The following WDR93 variants were observed in gnomAD, a reference collection of about 807,000 sequenced individuals.
WDR93 encodes WD repeat-containing protein 93.
In WDR93, 73 loss-of-function variants were observed where a neutral mutation model predicts 82.9. The observed-to-expected ratio is 0.88, with a 90% CI of 0.73 to 1.07. WDR93 has a LOEUF of 1.07. Among genes scored for constraint, WDR93 ranks in the 50% least tolerant of loss-of-function variants. The probability of loss-of-function intolerance (pLI) is 0.00; values close to 1 mark genes in which losing one functional copy is unlikely to be tolerated. For synonymous variants in WDR93, 283 were observed against 300.1 expected (o/e 0.94, Z 0.59); for missense variants, 738 against 826.0 (o/e 0.89, Z 1.31).
Position 89,717,012 on chromosome 15 carries a change from A to C in WDR93, c.795+63A>C, listed in dbSNP as rs191714590. 28 of 1,014,336 alleles carry C rather than the reference A, an allele frequency of 2.8e-5. No homozygotes were observed. The East Asian group carries it at 7.6e-4, about 28-fold the overall frequency. 62.8% of individuals were successfully genotyped at this position (1,014,336 alleles called of 1,614,324 possible). Reference sequence around the variant, plus strand: ...GTTTGTATTTTAGAGATTTTTTAAAAATTATTATTTTTCTTTTCTTTTCTT... The same window carrying C: ...GTTTGTATTTTAGAGATTTTTTAAACATTATTATTTTTCTTTTCTTTTCTT... On this transcript the variant is annotated intron_variant, in intron 7 of 16. Coordinates refer to ENST00000268130, the MANE Select transcript of WDR93 (RefSeq NM_020212.2).
chr15:89,743,158 G>A, intron 16 of WDR93, 134 bp from the exon 17 acceptor site: 1 of 801,344 alleles, frequency 1.2e-6, no homozygotes. Flanking sequence ...TGAGCCCTGA[G>A]GACACAGAGG....
intron 1 of WDR93, among the ~76,000 whole-genome samples, chr15:89,693,168 A>C (rs1263390905): frequency 6.6e-6 from 1 of 152,218 alleles, no homozygotes; most frequent in African/African-American, 2.4e-5. Flanking sequence ...GCTGCTATAA[A>C]TATTTAAGTA....
intron 8 of WDR93, among the ~76,000 whole-genome samples, chr15:89,723,920 C>T (rs930762991): frequency 3.3e-5 from 5 of 152,120 alleles, no homozygotes; most frequent in Admixed American, 2.0e-4. Flanking sequence ...TCTTCAGGCC[C>T]GGTGCAGTGG....
chr15:89,708,407 C>A lies in WDR93; in HGVS notation c.561+2789C>A, dbSNP rs2141616519. Among the ~76,000 whole-genome samples, 4 of 152,170 alleles carry A rather than the reference C, an allele frequency of 2.6e-5. No individual in the cohort carries two copies. The Middle Eastern group carries it at 0.01, about 388-fold the overall frequency. ...CCACCCGTCCTAGTGACAGTCACAC[C>A]CTGGAGGAGCTACAGTTGTCGCAGC... On this transcript the variant is annotated intron_variant, in intron 4 of 16. Coordinates refer to ENST00000268130, the MANE Select transcript of WDR93 (RefSeq NM_020212.2).
At chr15:89,705,356 G>A in intron 3 of WDR93, 198 bp from the exon 4 acceptor site, 1 of 583,440 alleles carries the variant, frequency 1.7e-6, no homozygotes, top group East Asian at 2.9e-5. Flanking sequence ...GACCCAGGAA[G>A]GAAAACAACC....
rs752938501 is a variant in WDR93 at position 89,731,553 on chromosome 15, C to T, written c.1321C>T (p.Leu441=). The T allele has an allele frequency of 2.5e-6, 4 of 1,614,134 alleles. No homozygotes were observed. The South Asian group carries it at 4.4e-5, about 18-fold the overall frequency. ...CEDGVLTLWD[L]AKGFPLGVAA... is the part of the protein sequence containing the mutation. Reference sequence around the variant, plus strand: ...GGATGGTGTGCTCACGCTGTGGGACCTGGCCAAAGGTAAGTCCTCCCTGCC... The same window carrying T: ...GGATGGTGTGCTCACGCTGTGGGACTTGGCCAAAGGTAAGTCCTCCCTGCC... Residue 441 remains leucine, a synonymous_variant, in exon 12 of 17, where the codon CTG becomes TTG. Coordinates refer to ENST00000268130, the MANE Select transcript of WDR93 (RefSeq NM_020212.2).
rs186948186 is a variant in WDR93, at chr15:89,708,666, G to T, written c.561+3048G>T. ...TATTTGGACACAGACAGTCATAAAA[G>T]AATAACCCCAGGAAGTGCTTTCCCA... On this transcript the variant is annotated intron_variant, in intron 4 of 16. Coordinates refer to ENST00000268130, the MANE Select transcript of WDR93 (RefSeq NM_020212.2). 6.8e-3 allele frequency among the ~76,000 whole-genome samples: 1,036 copies of T among 152,320 alleles called. 11 individuals carry two copies. The highest frequency in any genetic ancestry group is 0.024 in the African/African-American group (995 of 41,576).
chr15:89,714,657 T>A (rs1350623798), intron 5 of WDR93, among the ~76,000 whole-genome samples: 1 of 152,228 alleles, frequency 6.6e-6, no homozygotes, highest in African/African-American at 2.4e-5. Flanking sequence ...ATTTACCATT[T>A]GCAACAAAGA....
intron 7 of WDR93, among the ~76,000 whole-genome samples, chr15:89,718,739 AATCACCATTATT>A (rs1217403254): frequency 6.6e-5 from 10 of 152,324 alleles, no homozygotes; most frequent in Admixed American, 2.6e-4. Context: ...CTCCAGAGGT[AATCACCATTATT>A]AGCTTGACAT....
At chr15:89,694,520 C>T (rs1381623178) in intron 1 of WDR93, among the ~76,000 whole-genome samples, 2 of 152,160 alleles carry the variant, frequency 1.3e-5, no homozygotes, top group Non-Finnish European at 2.9e-5. Context: ...CAGGCGTGAG[C>T]CACTGCACCC....
At chr15:89,720,983 A>G (rs1284201173) in intron 7 of WDR93, 1 of 152,024 alleles carries the variant, frequency 6.6e-6, no homozygotes, top group Non-Finnish European at 1.5e-5. Context: ...TGCTTCGTGT[A>G]TTTTGAAGCT....
Position 89,712,118 on chromosome 15 carries a change from A to G in WDR93, c.640+14A>G, listed in dbSNP as rs368523569. The stretch of plus-strand genomic sequence containing the variant: ...TCCTCCTACAAGGCAAGATTAACCA[A>G]AGACTGTTAAGGTTCAAATTTTCAG... On this transcript the variant is annotated intron_variant, in intron 5 of 16. Transcript: ENST00000268130. 2.8e-4 allele frequency: 456 copies of G among 1,605,306 alleles called. No individual in the cohort carries two copies. Among genetic ancestry groups the G allele is most frequent in the Non-Finnish European group, 3.6e-4 (421 of 1,173,862 alleles).
At chr15:89,702,814 C>T (rs957780984) in intron 2 of WDR93, 136 bp from the exon 3 acceptor site, 1 of 977,716 alleles carries the variant, frequency 1.0e-6, no homozygotes, top group Non-Finnish European at 1.5e-6. Flanking sequence ...GCTGGGATTA[C>T]AGGCGTTAGC....
Position 89,735,494 on chromosome 15 carries a change from G to T in WDR93, c.1549G>T (p.Val517Leu). The T allele has an allele frequency of 6.2e-7, 1 of 1,614,120 alleles. No individual in the cohort carries two copies. Among genetic ancestry groups the T allele is most frequent in the Non-Finnish European group, 8.5e-7 (1 of 1,180,012 alleles). Residue 517 changes from valine (V) to leucine (L), a missense_variant, in exon 14 of 17, where the codon GTA (valine) becomes TTA (leucine). By Grantham distance (32) the Val-to-Leu change is conservative (BLOSUM62 1). Transcript: ENST00000268130. ...TGTATATTTTCTGTCCTATAGGCCT[G>T]TAAAGCACCTGGATAAAACCATCTG... The part of the protein sequence containing the change: ...PTISVLVERP[V>L]KHLDKTICAV...
chr15:89,714,675 G>A (rs948182057), intron 5 of WDR93, among the ~76,000 whole-genome samples: 1 of 152,120 alleles, frequency 6.6e-6, no homozygotes, highest in African/African-American at 2.4e-5. Flanking sequence ...AGAAAATGTG[G>A]GGGCTGGGCA....
chr15:89,735,680 G>A (rs923955560), intron 14 of WDR93, 127 bp downstream of exon 14: 12 of 940,922 alleles, frequency 1.3e-5, no homozygotes, highest in Middle Eastern at 4.4e-4. Context: ...ACTAGCTTTC[G>A]GGTTTACAAA....
intron 1 of WDR93, among the ~76,000 whole-genome samples, chr15:89,692,672 C>A (rs901448261): frequency 1.3e-4 from 20 of 152,202 alleles, no homozygotes; most frequent in Admixed American, 1.2e-3. Context: ...TGCAATGGCG[C>A]AATGTCAGCT....
At chr15:89,725,417 TA>T (rs1467345907) in intron 8 of WDR93, among the ~76,000 whole-genome samples, 2 of 152,084 alleles carry the variant, frequency 1.3e-5, no homozygotes, top group Non-Finnish European at 2.9e-5. Flanking sequence ...GTTTAGGTGA[TA>T]AAAGCATAAA....
chr15:89,700,936 C>T (rs1965428957), intron 1 of WDR93, among the ~76,000 whole-genome samples: 1 of 150,970 alleles, frequency 6.6e-6, no homozygotes, highest in African/African-American at 2.5e-5. Context: ...CATATACAGA[C>T]TTTATATATT....
Sources: gnomAD v4.1 joint callset for allele counts (sites outside exome capture counted in the v4.1 genomes callset) on GRCh38, gnomAD v4.1.1 for gene constraint, MANE v1.5 for transcripts, NCBI Gene and HGNC (gene_info 2026-07-23, HGNC 2026-07-21) for gene names.